ROBO2: variants seen among roughly 807,000 people sequenced by gnomAD.
ROBO2 encodes roundabout guidance receptor 2.
A neutral mutation model predicts 160.8 loss-of-function variants in ROBO2; 53 were observed. The ratio of observed to expected loss-of-function variants is 0.33; its 90% CI spans 0.26 to 0.41. The LOEUF is 0.41. Ranked by LOEUF, ROBO2 falls within the 10% of genes least tolerant of loss-of-function variation. The probability of loss-of-function intolerance (pLI) is 1.00; values close to 1 mark genes in which losing one functional copy is unlikely to be tolerated. For synonymous variants in ROBO2, 664 were observed against 611.7 expected, an observed-to-expected ratio of 1.09 and a Z score of -1.26; for missense variants, 1,577 against 1,722.4, an observed-to-expected ratio of 0.92 and a Z score of 1.49.
At chr3:75,947,898 G>A (rs1197274072) in intron 2 of ROBO2, among the ~76,000 whole-genome samples, 1 of 152,076 alleles carries the variant, frequency 6.6e-6, no homozygotes, top group Non-Finnish European at 1.5e-5. Flanking sequence ...TTAGGGAAGA[G>A]CCAAATACTT....
At chr3:75,938,926 T>A (rs1453861778) in intron 2 of ROBO2, among the ~76,000 whole-genome samples, 3 of 152,178 alleles carry the variant, frequency 2.0e-5, no homozygotes, top group Admixed American at 1.3e-4. Context: ...AAAATATATT[T>A]AATACACATA....
At chr3:76,249,834 AT>A (rs1469134258) in intron 2 of ROBO2, among the ~76,000 whole-genome samples, 2 of 152,132 alleles carry the variant, frequency 1.3e-5, no homozygotes, top group Admixed American at 6.6e-5. Context: ...TATTTGAAGA[AT>A]GTTGCTTCTA....
chr3:76,720,666 A>T (rs1011102297), intron 2 of ROBO2, among the ~76,000 whole-genome samples: 2 of 152,236 alleles, frequency 1.3e-5, no homozygotes, highest in African/African-American at 4.8e-5. Context: ...TAAAATTCAA[A>T]TTCATATTTA....
At chr3:77,482,392 G>T (rs1383003623) in intron 4 of ROBO2, among the ~76,000 whole-genome samples, 1 of 152,052 alleles carries the variant, frequency 6.6e-6, no homozygotes, top group African/African-American at 2.4e-5. Context: ...TGCCACTATA[G>T]AAGAGCTGTA....
intron 2 of ROBO2, among the ~76,000 whole-genome samples, chr3:77,345,345 A>G (rs1371285548): frequency 5.9e-5 from 9 of 152,098 alleles, no homozygotes; most frequent in Admixed American, 5.2e-4. Context: ...CTTGGAAATC[A>G]CACACCCTTA....
At chr3:76,737,177 A>G (rs1204275784) in intron 2 of ROBO2, among the ~76,000 whole-genome samples, 1 of 152,202 alleles carries the variant, frequency 6.6e-6, no homozygotes, top group Non-Finnish European at 1.5e-5. Flanking sequence ...TATAATCACT[A>G]TTTCTAGATA....
intron 2 of ROBO2, among the ~76,000 whole-genome samples, chr3:76,707,619 A>G (rs2093194281): frequency 6.6e-6 from 1 of 151,632 alleles, no homozygotes; most frequent in Admixed American, 6.6e-5. Flanking sequence ...CTCAGTTACT[A>G]ACACCTAAAT....
intron 2 of ROBO2, among the ~76,000 whole-genome samples, chr3:77,312,822 G>C (rs960292980): frequency 4.6e-5 from 7 of 152,194 alleles, no homozygotes; most frequent in Non-Finnish European, 8.8e-5. Context: ...ATACATGTCA[G>C]AATTCAATAT....
chr3:77,331,985 C>T (rs1309064019), intron 2 of ROBO2, among the ~76,000 whole-genome samples: 10 of 152,240 alleles, frequency 6.6e-5, no homozygotes, highest in South Asian at 2.1e-4. Flanking sequence ...GGATTACAGG[C>T]GTGAGCCAAC....
In ROBO2 at chr3:76,002,206, A is replaced by G. The variant is rs188127199; in HGVS notation, c.109+64604A>G. Among the ~76,000 whole-genome samples, 5 of 152,300 alleles carry G rather than the reference A, an allele frequency of 3.3e-5. No homozygotes were observed. The South Asian group carries it at 6.2e-4, about 19-fold the overall frequency. ...GGCTGTTAGGATGGGCCCTAATCCA[A>G]TATGACTCTGTCCTTACAAAAAGGA... is the stretch of plus-strand genomic sequence containing the variant. On this transcript the variant is annotated intron_variant, in intron 2 of 26. Transcript: ENST00000487694.
intron 2 of ROBO2, among the ~76,000 whole-genome samples, chr3:76,227,573 A>T (rs1418746549): frequency 6.6e-6 from 1 of 152,190 alleles, no homozygotes; most frequent in South Asian, 2.1e-4. Flanking sequence ...GATAGCATCT[A>T]TTATGTTTTA....
At chr3:77,628,854 C>G (rs537759557) in intron 23 of ROBO2, among the ~76,000 whole-genome samples, 2 of 152,234 alleles carry the variant, frequency 1.3e-5, no homozygotes, top group African/African-American at 4.8e-5. Context: ...TTCCTGTTGC[C>G]CAATATGGCC....
intron 2 of ROBO2, among the ~76,000 whole-genome samples, chr3:77,146,854 G>A (rs1016931860): frequency 3.9e-5 from 6 of 152,124 alleles, no homozygotes; most frequent in African/African-American, 1.4e-4. Flanking sequence ...TGCAGTCCCA[G>A]CTACTCAGAG....
intron 2 of ROBO2, among the ~76,000 whole-genome samples, chr3:77,361,155 G>C (rs1345783681): frequency 6.6e-6 from 1 of 152,104 alleles, no homozygotes; most frequent in Non-Finnish European, 1.5e-5. Context: ...AAGGTTGCCA[G>C]ATTAAATGCA....
intron 2 of ROBO2, among the ~76,000 whole-genome samples, chr3:76,834,157 C>T (rs111469731): frequency 7.9e-6 from 1 of 126,666 alleles, no homozygotes; most frequent in Non-Finnish European, 1.6e-5. Flanking sequence ...CTTTCTTTCT[C>T]TCTCTTTCTT....
intron 2 of ROBO2, among the ~76,000 whole-genome samples, chr3:76,584,870 A>G (rs941041403): frequency 4.6e-5 from 7 of 152,278 alleles, no homozygotes; most frequent in African/African-American, 7.2e-5. Flanking sequence ...GTCTTCCTGC[A>G]GTGTCTATCC....
At chr3:77,617,709 A>C in exon 22 of ROBO2, 1 of 1,613,984 alleles carries the variant, frequency 6.2e-7, no homozygotes, top group Non-Finnish European at 8.5e-7. Flanking sequence ...GATGCAACCC[A>C]TGCTGCAGGC....
chr3:76,868,813 A>G (rs2071660193), intron 2 of ROBO2, among the ~76,000 whole-genome samples: 1 of 151,196 alleles, frequency 6.6e-6, no homozygotes, highest in Admixed American at 6.6e-5. Context: ...GATAAATAAC[A>G]CGTATTGTGC....
intron 2 of ROBO2, among the ~76,000 whole-genome samples, chr3:77,402,816 A>C (rs1203188512): frequency 6.6e-6 from 1 of 152,052 alleles, no homozygotes; most frequent in Non-Finnish European, 1.5e-5. Context: ...TCCTGAGTTA[A>C]AAGGTCAAAC....
Sources: allele counts gnomAD v4.1 joint callset (sites outside exome capture counted in the v4.1 genomes callset), GRCh38; gene constraint gnomAD v4.1.1; transcripts MANE v1.5; gene names NCBI Gene and HGNC (gene_info 2026-07-23, HGNC 2026-07-21).